The following SOX5 variants were observed in gnomAD, a reference collection of about 807,000 sequenced individuals.
SOX5 encodes SRY-box transcription factor 5, also known as transcription factor SOX-5.
Under a neutral mutation model 92.0 loss-of-function variants are expected in SOX5, and 9 were observed. The observed-to-expected ratio is 0.10, with a 90% CI of 0.06 to 0.17. The LOEUF is 0.17. SOX5 is among the 10% of genes least tolerant of loss of function. The pLI is 1.00. For synonymous variants in SOX5, 344 were observed against 336.3 expected (o/e 1.02, Z -0.25); for missense variants, 642 against 944.5 (o/e 0.68, Z 4.20).
chr12:23,875,181 C>G (rs146409775), intron 2 of SOX5, among the ~76,000 whole-genome samples: 82 of 152,124 alleles, frequency 5.4e-4, no homozygotes, highest in African/African-American at 1.9e-3. Context: ...AATCTTATAA[C>G]GAAGCAGGAA....
At chr12:24,353,603 G>A (rs1460623276) in intron 2 of SOX5, among the ~76,000 whole-genome samples, 2 of 151,960 alleles carry the variant, frequency 1.3e-5, no homozygotes, top group Non-Finnish European at 2.9e-5. Context: ...TGTTGGGGGT[G>A]GGGGTCTTCC....
At position 24,074,630 on chromosome 12, in the gene SOX5, C is replaced by CAAAAAAAAAAAAAAAA. The variant is rs76320418; in HGVS notation, c.-2+138697_-2+138712dup. On this transcript the variant is annotated intron_variant, in intron 4 of 4. Coordinates refer to the SOX5 transcript ENST00000446891. ...CTTAGTGTTTATTTCTGTAAACTACCAAAAAAAAAAAAAAAAAAAAAAAGC... is the reference window on the plus strand; with the variant it reads ...CTTAGTGTTTATTTCTGTAAACTACCAAAAAAAAAAAAAAAAAAAAAAAAAAAAAAAAAAAAAAAGC... Among the ~76,000 whole-genome samples, 53 of 51,274 alleles carry CAAAAAAAAAAAAAAAA rather than the reference C, an allele frequency of 1.0e-3. 4 individuals carry two copies. Among genetic ancestry groups the CAAAAAAAAAAAAAAAA allele is most frequent in the East Asian group, 1.4e-3 (2 of 1,454 alleles). 33.6% of individuals were successfully genotyped at this position (51,274 alleles called of 152,430 possible).
intron 2 of SOX5, among the ~76,000 whole-genome samples, chr12:24,305,250 T>C (rs935016784): frequency 1.3e-5 from 2 of 152,230 alleles, no homozygotes; most frequent in Non-Finnish European, 2.9e-5. Flanking sequence ...TTATCCACAG[T>C]AAGCACAAGG....
At chr12:23,937,773 C>T (rs1253626967) in intron 1 of SOX5, among the ~76,000 whole-genome samples, 1 of 150,840 alleles carries the variant, frequency 6.6e-6, no homozygotes, top group Non-Finnish European at 1.5e-5. Flanking sequence ...AAAATTTTGG[C>T]TGAGGCCCTT....
intron 4 of SOX5, among the ~76,000 whole-genome samples, chr12:24,080,645 C>G (rs1208301758): frequency 6.6e-6 from 1 of 151,986 alleles, no homozygotes; most frequent in East Asian, 1.9e-4. Flanking sequence ...AGATCTGCTT[C>G]TTTGCCCTCT....
intron 4 of SOX5, among the ~76,000 whole-genome samples, chr12:23,751,408 T>C (rs1458825225): frequency 2.0e-5 from 3 of 151,952 alleles, no homozygotes; most frequent in African/African-American, 7.2e-5. Flanking sequence ...ATTGAAATGC[T>C]GAATATTAGT....
At chr12:24,324,773 A>G (rs966342519) in intron 2 of SOX5, among the ~76,000 whole-genome samples, 1 of 151,974 alleles carries the variant, frequency 6.6e-6, no homozygotes, top group Non-Finnish European at 1.5e-5. Context: ...CCTACCTCAT[A>G]GGGTTATCAT....
In SOX5 at chr12:23,691,524, A is replaced by G. The variant is rs145133731; in HGVS notation, c.811-25960T>C. Among the ~76,000 whole-genome samples the G allele has an allele frequency of 4.1e-3, 624 of 152,276 alleles. 5 individuals carry two copies. Among genetic ancestry groups the G allele is most frequent in the African/African-American group, 0.014 (582 of 41,570 alleles). On this transcript the variant is annotated intron_variant, in intron 6 of 14. Transcript: ENST00000451604. ...CTGGACCTAGTGTTTCTTTGTGGGA[A>G]GATTTTAAACCACTAAGTCAATTTA... is the stretch of plus-strand genomic sequence containing the variant.
chr12:24,151,162 T>C (rs1321071244), intron 4 of SOX5, among the ~76,000 whole-genome samples: 1 of 152,140 alleles, frequency 6.6e-6, no homozygotes, highest in Non-Finnish European at 1.5e-5. Context: ...TCCATGTTTA[T>C]AGTCATGACG....
At chr12:24,000,120 T>C (rs1202867513) in intron 4 of SOX5, among the ~76,000 whole-genome samples, 1 of 150,832 alleles carries the variant, frequency 6.6e-6, no homozygotes, top group African/African-American at 2.4e-5. Context: ...TACATATGTA[T>C]ATTATATAAT....
intron 4 of SOX5, among the ~76,000 whole-genome samples, chr12:24,138,948 A>G (rs903826676): frequency 3.3e-5 from 5 of 152,102 alleles, no homozygotes; most frequent in African/African-American, 1.2e-4. Flanking sequence ...ATGCAAGGCT[A>G]AAATGTCAGA....
At chr12:24,447,455 G>A (rs1051737559) in intron 1 of SOX5, among the ~76,000 whole-genome samples, 6 of 152,180 alleles carry the variant, frequency 3.9e-5, no homozygotes, top group Admixed American at 2.0e-4. Context: ...CAATCCAGAG[G>A]AAGCTAATGA....
chr12:23,873,397 CAGG>C (rs1196439796), intron 2 of SOX5, among the ~76,000 whole-genome samples: 1 of 152,074 alleles, frequency 6.6e-6, no homozygotes, highest in African/African-American at 2.4e-5. Flanking sequence ...CATCTGATCC[CAGG>C]AGGTCAAGGC....
chr12:24,529,812 G>A (rs1254251947), intron 1 of SOX5, among the ~76,000 whole-genome samples: 1 of 152,186 alleles, frequency 6.6e-6, no homozygotes, highest in African/African-American at 2.4e-5. Flanking sequence ...GAGGTCAGGA[G>A]ATCGAGATCA....
chr12:23,533,381 C>A lies in SOX5; in HGVS notation c.*838G>T. ...AAAAAAAAAAGTCAAATCTCACCAG[C>A]TGCTGGTATTTCAGGTTTTTCAAGG... On this transcript the variant is annotated 3_prime_UTR_variant, in exon 15 of 15. Coordinates refer to ENST00000451604, the MANE Select transcript of SOX5 (RefSeq NM_006940.6). 1 of 258,156 alleles carries A rather than the reference C, an allele frequency of 3.9e-6. No individual in the cohort carries two copies. Among genetic ancestry groups the A allele is most frequent in the South Asian group, 3.9e-5 (1 of 25,520 alleles). 16.0% of individuals were successfully genotyped at this position (258,156 alleles called of 1,614,324 possible). A position where few individuals can be genotyped will look rare whatever the true frequency, so the allele number is the denominator to read the frequency against.
At chr12:23,546,173 T>C in intron 12 of SOX5, 143 bp downstream of exon 12, 2 of 565,190 alleles carry the variant, frequency 3.5e-6, no homozygotes, top group South Asian at 2.3e-5. Flanking sequence ...GCTTGGCACA[T>C]GGGGACTGCT....
chr12:24,163,627 T>C (rs1199600279), intron 4 of SOX5, among the ~76,000 whole-genome samples: 1 of 126,860 alleles, frequency 7.9e-6, no homozygotes, highest in Non-Finnish European at 1.9e-5. Context: ...TCAGTCTAAA[T>C]GGCTTTAAAG....
At chr12:24,180,326 A>G (rs1397457485) in intron 4 of SOX5, among the ~76,000 whole-genome samples, 1 of 152,216 alleles carries the variant, frequency 6.6e-6, no homozygotes, top group Non-Finnish European at 1.5e-5. Context: ...CAAACAGCCC[A>G]AGGAGACCTT....
intron 2 of SOX5, among the ~76,000 whole-genome samples, chr12:24,317,976 TGAG>T (rs1220302649): frequency 1.3e-5 from 2 of 152,154 alleles, no homozygotes; most frequent in African/African-American, 4.8e-5. Context: ...TTTGGGAGGC[TGAG>T]GTGGGCGGAT....
Sources: allele counts gnomAD v4.1 joint callset (sites outside exome capture counted in the v4.1 genomes callset), GRCh38; gene constraint gnomAD v4.1.1; transcripts MANE v1.5; gene names NCBI Gene and HGNC (gene_info 2026-07-23, HGNC 2026-07-21).